The following DPY30 variants were observed in gnomAD, a reference collection of about 807,000 sequenced individuals.
DPY30 encodes the protein protein dpy-30 homolog.
DPY30 carries 6 observed loss-of-function variants against 16.2 expected under a neutral mutation model. The ratio of observed to expected loss-of-function variants is 0.37; its 90% CI spans 0.20 to 0.73. The LOEUF (loss-of-function observed/expected upper bound fraction) is 0.73. DPY30 is among the 30% of genes least tolerant of loss of function. The pLI is 0.51. For synonymous variants in DPY30, 39 were observed against 38.8 expected (o/e 1.00, Z -0.02); for missense variants, 73 against 113.1 (o/e 0.65, Z 1.61).
chr2:32,030,551 A>G (rs1675497328), intron 3 of DPY30, among the ~76,000 whole-genome samples: 1 of 150,734 alleles, frequency 6.6e-6, no homozygotes, highest in Admixed American at 6.7e-5. Flanking sequence ...AATGGCGTGA[A>G]CCTGGGAGGC....
chr2:32,023,684 A>C (rs1340643650), downstream of DPY30: 1 of 1,260,100 alleles, frequency 7.9e-7, no homozygotes. Flanking sequence ...CACCTGTGAT[A>C]CTTGTTAAGC....
At chr2:32,011,693 A>G (rs563135332), downstream of DPY30, among the ~76,000 whole-genome samples, 2 of 152,238 alleles carry the variant, frequency 1.3e-5, no homozygotes, top group African/African-American at 4.8e-5. Flanking sequence ...ACACCATTGC[A>G]AAAGTAGGAA....
At chr2:32,018,637 G>T (rs996617191) in intron 5 of DPY30, among the ~76,000 whole-genome samples, 11 of 151,968 alleles carry the variant, frequency 7.2e-5, no homozygotes, top group African/African-American at 2.4e-4. Context: ...TGAGGCAGGA[G>T]AATCACTTGA....
chr2:32,036,455 A>C (rs1675741707), intron 3 of DPY30, among the ~76,000 whole-genome samples: 2 of 152,040 alleles, frequency 1.3e-5, no homozygotes, highest in Non-Finnish European at 2.9e-5. Context: ...GCGGATCACG[A>C]GGTCAGGAGA....
chr2:32,034,429 G>C (rs1398269375), intron 3 of DPY30, among the ~76,000 whole-genome samples: 6 of 152,096 alleles, frequency 3.9e-5, no homozygotes, highest in South Asian at 2.1e-4. Flanking sequence ...AGAGAGAAAG[G>C]AGTAGGTGCC....
intron 5 of DPY30, among the ~76,000 whole-genome samples, chr2:32,012,251 G>T (rs968054868): frequency 2.6e-5 from 4 of 151,664 alleles, no homozygotes; most frequent in African/African-American, 9.7e-5. Context: ...CTAAAGCCTA[G>T]TCAATTACTG....
At chr2:32,023,082 C>T (rs1321503739), downstream of DPY30, among the ~76,000 whole-genome samples, 1 of 151,296 alleles carries the variant, frequency 6.6e-6, no homozygotes, top group Non-Finnish European at 1.5e-5. Context: ...CTTTGGGGGG[C>T]CAAGGCAGGT....
At chr2:32,023,269 T>C (rs1331350343), downstream of DPY30, among the ~76,000 whole-genome samples, 1 of 152,220 alleles carries the variant, frequency 6.6e-6, no homozygotes, top group Admixed American at 6.5e-5. Flanking sequence ...GCAGTTTCTC[T>C]ATTTTCTGAG....
downstream of DPY30, chr2:32,023,780 C>G: frequency 1.5e-6 from 2 of 1,305,778 alleles, no homozygotes; most frequent in Non-Finnish European, 2.0e-6. Context: ...TTATACTTGA[C>G]TGCTGTATTT....
At position 32,035,095 on chromosome 2, in the gene DPY30, C is replaced by T. The variant is rs555722303; in HGVS notation, c.84+4184G>A. Among the ~76,000 whole-genome samples the T allele has an allele frequency of 4.4e-4, 65 of 149,198 alleles. 1 individual carries two copies. The East Asian group carries it at 0.011, about 26-fold the overall frequency. On this transcript the variant is annotated intron_variant, in intron 3 of 4. Transcript: ENST00000342166. ...CTACACTCCAGCCTGGGGGACAGAGCGAGACTCCATTTAAAAAAAAAAAAA... is the reference window on the plus strand; with the variant it reads ...CTACACTCCAGCCTGGGGGACAGAGTGAGACTCCATTTAAAAAAAAAAAAA...
chr2:32,022,461 T>C (rs1675206470), downstream of DPY30, among the ~76,000 whole-genome samples: 1 of 152,140 alleles, frequency 6.6e-6, no homozygotes, highest in South Asian at 2.1e-4. Context: ...GTATTTCCTG[T>C]ATTAAAGAAA....
intron 3 of DPY30, among the ~76,000 whole-genome samples, chr2:32,036,444 G>T (rs1359225848): frequency 6.6e-6 from 1 of 152,054 alleles, no homozygotes; most frequent in Non-Finnish European, 1.5e-5. Context: ...GGCCAAGGTT[G>T]GCGGATCACG....
At chr2:32,025,199 C>G (rs1421811322) in intron 4 of DPY30, among the ~76,000 whole-genome samples, 9 of 152,160 alleles carry the variant, frequency 5.9e-5, no homozygotes, top group Admixed American at 5.9e-4. Context: ...GGCGCAGTGG[C>G]TCATGCCTGT....
chr2:32,025,320 G>A (rs747038673), intron 4 of DPY30, among the ~76,000 whole-genome samples: 2 of 151,948 alleles, frequency 1.3e-5, no homozygotes, highest in African/African-American at 2.4e-5. Flanking sequence ...AAAATTAGCC[G>A]GTCATGGCAG....
At chr2:32,023,086 G>A (rs928227834), downstream of DPY30, among the ~76,000 whole-genome samples, 2 of 151,574 alleles carry the variant, frequency 1.3e-5, no homozygotes, top group Non-Finnish European at 2.9e-5. Context: ...GGGGGGCCAA[G>A]GCAGGTGGAT....
intron 3 of DPY30, among the ~76,000 whole-genome samples, chr2:32,031,318 G>A (rs1675531290): frequency 6.6e-6 from 1 of 151,964 alleles, no homozygotes. Context: ...TACTCGGGAG[G>A]CTGAGGCAGA....
chr2:32,019,890 ATG>A (rs1451648282), downstream of DPY30, among the ~76,000 whole-genome samples: 2 of 142,988 alleles, frequency 1.4e-5, no homozygotes, highest in South Asian at 2.1e-4. Context: ...ATATATGTAT[ATG>A]TGTGTATATA....
chr2:32,023,769 A>G, downstream of DPY30: 1 of 1,305,214 alleles, frequency 7.7e-7, no homozygotes, highest in Non-Finnish European at 1.0e-6. Context: ...AATTTTTTAA[A>G]TTATACTTGA....
chr2:32,038,911 G>A (rs1479731439), intron 3 of DPY30, among the ~76,000 whole-genome samples: 1 of 152,190 alleles, frequency 6.6e-6, no homozygotes, highest in Non-Finnish European at 1.5e-5. Context: ...GCCTCCCAAA[G>A]TGCTGGGATG....
Sources: gnomAD v4.1 joint callset for allele counts (sites outside exome capture counted in the v4.1 genomes callset) on GRCh38, gnomAD v4.1.1 for gene constraint, MANE v1.5 for transcripts, NCBI Gene and HGNC (gene_info 2026-07-23, HGNC 2026-07-21) for gene names.